The following SSBP3 variants were observed in gnomAD, a reference collection of about 807,000 sequenced individuals.
SSBP3 encodes single-stranded DNA-binding protein 3.
SSBP3 carries 5 observed loss-of-function variants against 69.6 expected under a neutral mutation model. The ratio of observed to expected loss-of-function variants is 0.07; its 90% CI spans 0.04 to 0.15. The LOEUF (loss-of-function observed/expected upper bound fraction) is 0.15, where lower values mean the gene tolerates loss of function less well. Ranked by LOEUF, SSBP3 falls within the 10% of genes least tolerant of loss-of-function variation. SSBP3 has a pLI of 1.00. For synonymous variants in SSBP3, 196 were observed against 193.4 expected (o/e 1.01, Z -0.11); for missense variants, 312 against 534.0 (o/e 0.58, Z 4.10).
At chr1:54,306,524 T>C (rs1569727716) in intron 4 of SSBP3, among the ~76,000 whole-genome samples, 1 of 152,148 alleles carries the variant, frequency 6.6e-6, no homozygotes, top group Non-Finnish European at 1.5e-5. Flanking sequence ...CTTGGCTGAG[T>C]GGGAAAGCCA....
chr1:54,378,153 G>C (rs915729754), intron 4 of SSBP3, among the ~76,000 whole-genome samples: 1 of 152,144 alleles, frequency 6.6e-6, no homozygotes, highest in Non-Finnish European at 1.5e-5. Context: ...AGGTGCCAGA[G>C]TTCCCATTTT....
intron 15 of SSBP3, 128 bp downstream of exon 15, chr1:54,228,620 C>G: frequency 1.4e-6 from 2 of 1,473,694 alleles, no homozygotes; most frequent in South Asian, 2.6e-5. Context: ...GCATCCCTCT[C>G]AGGATCGTCC....
intron 4 of SSBP3, among the ~76,000 whole-genome samples, chr1:54,400,647 C>T (rs1649229264): frequency 6.6e-6 from 1 of 152,204 alleles, no homozygotes; most frequent in African/African-American, 2.4e-5. Flanking sequence ...CGTTACATTC[C>T]AAGAGCATTA....
At position 54,253,777 on chromosome 1, in the gene SSBP3, G is replaced by A. The variant is rs543634340; in HGVS notation, c.508-1917C>T. Among the ~76,000 whole-genome samples, 13 of 152,342 alleles carry A rather than the reference G, an allele frequency of 8.5e-5. No individual in the cohort carries two copies. The South Asian group carries it at 2.7e-3, about 32-fold the overall frequency. ...GGATGGGGGACCTTCAGGGTCATGA[G>A]TCACCCAGTGCAGGACCACCCCATC... On this transcript the variant is annotated intron_variant, in intron 7 of 17. Coordinates refer to ENST00000610401, the Ensembl canonical transcript of SSBP3.
At chr1:54,242,108 C>G (rs552685333) in intron 11 of SSBP3, 56 bp downstream of exon 11, 2 of 1,600,136 alleles carry the variant, frequency 1.2e-6, no homozygotes, top group Non-Finnish European at 8.5e-7. Context: ...AGTAGCTCCC[C>G]TGCACCCAGA....
chr1:54,313,547 G>A (rs905114982), intron 4 of SSBP3, among the ~76,000 whole-genome samples: 3 of 144,050 alleles, frequency 2.1e-5, no homozygotes, highest in Non-Finnish European at 4.5e-5. Flanking sequence ...TCAGCCTCCC[G>A]AGTAGCTATG....
exon 1 of SSBP3, chr1:54,406,065 G>GCCGCCGC: frequency 8.0e-6 from 11 of 1,382,856 alleles, no homozygotes; most frequent in Non-Finnish European, 9.6e-6. Flanking sequence ...CGCCGCTACC[G>GCCGCCGC]CTCCGGCTCT....
At chr1:54,228,469 C>T (rs1644325968) in exon 16 of SSBP3, 1 of 1,614,218 alleles carries the variant, frequency 6.2e-7, no homozygotes, top group Non-Finnish European at 8.5e-7. Context: ...CCGTCTATGT[C>T]GCCTGACCCT....
intron 4 of SSBP3, among the ~76,000 whole-genome samples, chr1:54,327,020 C>A (rs1382284320): frequency 3.9e-5 from 6 of 151,952 alleles, no homozygotes; most frequent in African/African-American, 1.5e-4. Context: ...CAAGGACAGG[C>A]AACGCCAGGG....
At chr1:54,239,091 T>C (rs768171576) in intron 14 of SSBP3, 38 bp downstream of exon 14, 4 of 1,543,276 alleles carry the variant, frequency 2.6e-6, no homozygotes, top group Middle Eastern at 1.7e-4. Context: ...TGATTTGTTA[T>C]GGTGTCTGAT....
At chr1:54,317,601 T>A (rs1569783252) in intron 4 of SSBP3, among the ~76,000 whole-genome samples, 1 of 152,072 alleles carries the variant, frequency 6.6e-6, no homozygotes, top group African/African-American at 2.4e-5. Flanking sequence ...CAAAAAAATG[T>A]GTAGACCTGG....
At chr1:54,343,996 C>T (rs886759272) in intron 4 of SSBP3, among the ~76,000 whole-genome samples, 7 of 151,766 alleles carry the variant, frequency 4.6e-5, no homozygotes, top group East Asian at 1.9e-4. Context: ...CAAGAAGACC[C>T]GAAGGAGAAA....
At chr1:54,268,515 T>C (rs1341485329) in intron 5 of SSBP3, among the ~76,000 whole-genome samples, 9 of 152,138 alleles carry the variant, frequency 5.9e-5, no homozygotes, top group Non-Finnish European at 1.3e-4. Context: ...CATATCCAAC[T>C]AGGAAGGGGG....
chr1:54,385,355 G>A (rs1648000354), intron 4 of SSBP3, among the ~76,000 whole-genome samples: 1 of 152,114 alleles, frequency 6.6e-6, no homozygotes, highest in East Asian at 1.9e-4. Flanking sequence ...CAGACTTCAG[G>A]AAGAAAATGA....
intron 4 of SSBP3, among the ~76,000 whole-genome samples, chr1:54,396,257 A>G (rs1286672796): frequency 6.6e-6 from 1 of 151,724 alleles, no homozygotes; most frequent in Non-Finnish European, 1.5e-5. Flanking sequence ...ACAAACAGTC[A>G]TGATTGTCTA....
chr1:54,236,934 TAAG>T (rs1408046282), intron 14 of SSBP3: 1 of 152,214 alleles, frequency 6.6e-6, no homozygotes, highest in African/African-American at 2.4e-5. Flanking sequence ...TTTTCATTGG[TAAG>T]AAGCTTATGG....
chr1:54,296,507 G>A (rs1645706143), intron 4 of SSBP3, among the ~76,000 whole-genome samples: 1 of 152,188 alleles, frequency 6.6e-6, no homozygotes, highest in South Asian at 2.1e-4. Flanking sequence ...CTACAACATA[G>A]TACAGGAAGG....
intron 14 of SSBP3, among the ~76,000 whole-genome samples, chr1:54,229,972 G>A (rs559553697): frequency 3.9e-4 from 60 of 152,382 alleles, no homozygotes; most frequent in Admixed American, 2.5e-3. Flanking sequence ...CTGCCTGGAG[G>A]AGGAAGAGAG....
chr1:54,383,493 A>C (rs1647839617), intron 4 of SSBP3, among the ~76,000 whole-genome samples: 1 of 152,220 alleles, frequency 6.6e-6, no homozygotes, highest in Non-Finnish European at 1.5e-5. Flanking sequence ...GCAACCCTGC[A>C]CACAGAGACC....
Sources: allele counts gnomAD v4.1 joint callset (sites outside exome capture counted in the v4.1 genomes callset), GRCh38; gene constraint gnomAD v4.1.1; transcripts MANE v1.5; gene names NCBI Gene and HGNC (gene_info 2026-07-23, HGNC 2026-07-21).